Variants in TTLL3 observed in about 807,000 individuals in gnomAD.
The protein encoded by TTLL3 is tubulin tyrosine ligase like 3.
Under a neutral mutation model 75.2 loss-of-function variants are expected in TTLL3, and 63 were observed. That is an observed-to-expected ratio of 0.84 (90% confidence interval 0.68 to 1.03). The LOEUF (loss-of-function observed/expected upper bound fraction) is 1.03, where lower values mean the gene tolerates loss of function less well. TTLL3 is among the 50% of genes least tolerant of loss of function. TTLL3 has a pLI of 0.00. For synonymous variants in TTLL3, 393 were observed against 418.5 expected, an observed-to-expected ratio of 0.94 and a Z score of 0.74; for missense variants, 997 against 1,069.9, an observed-to-expected ratio of 0.93 and a Z score of 0.95.
chr3:9,821,966 G>C (rs1010843944), intron 8 of TTLL3, among the ~76,000 whole-genome samples: 10 of 137,976 alleles, frequency 7.2e-5, no homozygotes, highest in African/African-American at 2.2e-4. Flanking sequence ...TCGCGCCACT[G>C]TACTCCAGCC....
chr3:9,833,122 C>T lies in TTLL3; in HGVS notation c.1702C>T (p.Gln568Ter), dbSNP rs1163819331. ...CCCACAGCCTGCTGTGGAGGTGCCT[C>T]AATATGTGGGCATCCGGCTCCTGGT... ...IYKQPAVEVPQYVGIRLLVEG... is the reference protein window; with the variant it reads ...IYKQPAVEVP Residue 568 changes from glutamine (Q) to a stop codon, truncating the protein, a stop_gained, in exon 12 of 14, where the codon CAA (glutamine) becomes TAA (stop). Coordinates refer to ENST00000685419, the MANE Select transcript of TTLL3 (RefSeq NM_001387446.1). LOFTEE classifies it high-confidence loss of function. The T allele has an allele frequency of 9.9e-6, 16 of 1,614,206 alleles. No individual in the cohort carries two copies. The highest frequency in any genetic ancestry group is 1.4e-5 in the Non-Finnish European group (16 of 1,180,020).
chr3:9,817,006 A>G (rs1173570806), intron 5 of TTLL3, among the ~76,000 whole-genome samples: 1 of 152,166 alleles, frequency 6.6e-6, no homozygotes, highest in East Asian at 1.9e-4. Flanking sequence ...AGGTCTTGCT[A>G]TGCTGCCTAG....
intron 5 of TTLL3, among the ~76,000 whole-genome samples, chr3:9,817,158 CTCACGCCTGTAA>C (rs755629870): frequency 1.3e-5 from 2 of 152,094 alleles, no homozygotes; most frequent in Non-Finnish European, 2.9e-5. Flanking sequence ...GGCACAGTGG[CTCACGCCTGTAA>C]TCCCAGCACT....
At position 9,810,458 on chromosome 3, in the gene TTLL3, G is replaced by C. The variant is rs917562272; in HGVS notation, c.-42+64G>C. 1.3e-5 allele frequency: 18 copies of C among 1,437,518 alleles called. No individual in the cohort carries two copies. The highest frequency in any genetic ancestry group is 1.5e-5 in the Non-Finnish European group (17 of 1,099,210). 89.0% of individuals were successfully genotyped at this position (1,437,518 alleles called of 1,614,324 possible). A position where few individuals can be genotyped will look rare whatever the true frequency, so the allele number is the denominator to read the frequency against. On this transcript the variant is annotated intron_variant, in intron 1 of 13. Transcript: ENST00000685419. This position sits in a 1 kb window ranked among gnomAD's most constrained non-coding sequence, Gnocchi z 4.4. ...GCTGCGAGGACGACAAGACGCTGGG[G>C]TGGAGGGACTGGGGGTCGGGAGAAG...
chr3:9,823,554 C>T (rs558068470), intron 8 of TTLL3, among the ~76,000 whole-genome samples: 3 of 151,818 alleles, frequency 2.0e-5, no homozygotes, highest in East Asian at 1.9e-4. Flanking sequence ...TTTCAAATTA[C>T]GCTCCTGTGT....
chr3:9,834,239 G>A, intron 12 of TTLL3: 1 of 378,280 alleles, frequency 2.6e-6, no homozygotes, highest in Non-Finnish European at 5.3e-6. Context: ...TTAAGCCCAG[G>A]TTGCTCTCTC....
intron 3 of TTLL3, 34 bp from the exon 4 acceptor site, chr3:9,813,214 G>A: frequency 9.9e-6 from 16 of 1,614,150 alleles, no homozygotes; most frequent in African/African-American, 1.3e-5. Context: ...GTCAGGGAGA[G>A]GAAACTCATC....
In TTLL3 at chr3:9,834,764, C is replaced by A; in HGVS notation, c.1909C>A (p.Arg637=). 1 of 1,614,232 alleles carries A rather than the reference C, an allele frequency of 6.2e-7. No individual in the cohort carries two copies. Among genetic ancestry groups the A allele is most frequent in the Non-Finnish European group, 8.5e-7 (1 of 1,180,040 alleles). ...CCGACACCAGGGCCAGGTCCTCAGA[C>A]GACAGCACAGCAAGCTGGTGGGCAC... ...VLRHQGQVLR[R]QHSKLVGTKA... Residue 637 remains arginine (R), a synonymous_variant, in exon 13 of 14, where the codon CGA becomes AGA. Transcript: ENST00000685419.
At chr3:9,818,713 G>A in intron 6 of TTLL3, 109 bp from the exon 7 acceptor site, 1 of 1,582,024 alleles carries the variant, frequency 6.3e-7, no homozygotes, top group Non-Finnish European at 8.6e-7. Flanking sequence ...GTCAGAAAAG[G>A]TAGAGTCAGG....
Position 9,828,956 on chromosome 3 carries a change from C to G in TTLL3, c.1248-4C>G. The G allele has an allele frequency of 6.2e-7, 1 of 1,614,094 alleles. No homozygotes were observed. Among genetic ancestry groups the G allele is most frequent in the Non-Finnish European group, 8.5e-7 (1 of 1,179,962 alleles). ...GGACCTCAGTTTTCTGTTCTCTGCCCCAGCTCAGTGCACCTGTGCAACAAC... is the reference window on the plus strand; with the variant it reads ...GGACCTCAGTTTTCTGTTCTCTGCCGCAGCTCAGTGCACCTGTGCAACAAC... On this transcript the variant is annotated splice_region_variant and splice_polypyrimidine_tract_variant and intron_variant, in intron 10 of 13. Transcript: ENST00000685419.
chr3:9,827,487 T>G, intron 10 of TTLL3: 1 of 539,746 alleles, frequency 1.9e-6, no homozygotes, highest in Non-Finnish European at 3.1e-6. Context: ...ACTGTAGCCT[T>G]GACTTCCTGT....
rs955907885 is a variant in TTLL3, at chr3:9,817,655, G to T, written c.455G>T (p.Cys152Phe). The T allele has an allele frequency of 1.2e-6, 2 of 1,614,150 alleles. No individual in the cohort carries two copies. Among genetic ancestry groups the T allele is most frequent in the Non-Finnish European group, 1.7e-6 (2 of 1,180,036 alleles). ...TGGCTAACTCCGTAGGTGGGTCTAT[G>T]TCTCAATCTCCGGAATTTGCCGTGG... Reference protein sequence around the residue: ...AGSFTTKVGLCLNLRNLPWFD... With the variant: ...AGSFTTKVGLFLNLRNLPWFD... Residue 152 changes from cysteine (C) to phenylalanine (F), a missense_variant, in exon 6 of 14, where the codon TGT becomes TTT. Transcript: ENST00000685419.
rs71052206 is a variant in TTLL3, at chr3:9,816,523, C to CTT, written c.444+331_444+332dup. Among the ~76,000 whole-genome samples, 24 of 103,992 alleles carry CTT rather than the reference C, an allele frequency of 2.3e-4. 3 individuals are homozygous for CTT. The highest frequency in any genetic ancestry group is 4.4e-4 in the Non-Finnish European group (24 of 54,672). 68.2% of individuals were successfully genotyped at this position (103,992 alleles called of 152,430 possible). A position where few individuals can be genotyped will look rare whatever the true frequency, so the allele number is the denominator to read the frequency against. Reference sequence around the variant, plus strand: ...GACCCATTCTGTCTTACCTGGGTTTCTTTTTTTTTTTGAGACAGAGTCTTG... The same window carrying CTT: ...GACCCATTCTGTCTTACCTGGGTTTCTTTTTTTTTTTTTGAGACAGAGTCTTG... On this transcript the variant is annotated intron_variant, in intron 5 of 13. Coordinates refer to ENST00000685419, the MANE Select transcript of TTLL3 (RefSeq NM_001387446.1).
At chr3:9,828,922 C>T (rs370687757) in intron 10 of TTLL3, 38 bp from the exon 11 acceptor site, 53 of 1,605,470 alleles carry the variant, frequency 3.3e-5, no homozygotes, top group Non-Finnish European at 4.4e-5. Flanking sequence ...GGGAGAGACA[C>T]AAGGGCCTGG....
chr3:9,816,322 A>G lies in TTLL3; in HGVS notation c.444+120A>G, dbSNP rs188064588. The G allele has an allele frequency of 4.5e-5, 49 of 1,099,094 alleles. No homozygotes were observed. In the African/African-American group the frequency reaches 7.2e-4, roughly 16 times the overall value. 68.1% of individuals were successfully genotyped at this position (1,099,094 alleles called of 1,614,324 possible). ...TTCTCAGGACAAGGGGAAGTATACA[A>G]TTCAGAAAATTTGGAGTCTGACCAG... On this transcript the variant is annotated intron_variant, in intron 5 of 13. Transcript: ENST00000685419.
At chr3:9,819,432 C>T (rs907383074) in intron 7 of TTLL3, 83 of 898,902 alleles carry the variant, frequency 9.2e-5, no homozygotes, top group Non-Finnish European at 1.1e-4. Flanking sequence ...CTCCCATGGG[C>T]CTGGCATGTA....
At chr3:9,831,329 G>A (rs757576448) in intron 11 of TTLL3, among the ~76,000 whole-genome samples, 7 of 152,146 alleles carry the variant, frequency 4.6e-5, no homozygotes, top group Non-Finnish European at 8.8e-5. Flanking sequence ...ATTTACCTTG[G>A]TCTTCTGTTA....
At chr3:9,828,808 C>T (rs2124951066) in intron 10 of TTLL3, 152 bp from the exon 11 acceptor site, 2 of 969,764 alleles carry the variant, frequency 2.1e-6, no homozygotes, top group East Asian at 2.7e-5. Context: ...GGGCCCAGGC[C>T]TCTGTCCTTT....
rs1223062929 is a variant in TTLL3, at chr3:9,820,837, C to T, written c.854+96C>T. 4 of 1,507,892 alleles carry T rather than the reference C, an allele frequency of 2.7e-6. No individual in the cohort carries two copies. The Admixed American group carries it at 8.6e-5, about 33-fold the overall frequency. The allele number at this position is 1,507,892 out of a possible 1,614,324, so 93.4% of individuals were successfully genotyped here. On this transcript the variant is annotated intron_variant, in intron 8 of 13. Coordinates refer to ENST00000685419, the MANE Select transcript of TTLL3 (RefSeq NM_001387446.1). ...AGCCCCTACCCCTTCCCCAAGCCTCCCGCTCGTTTACCCCGCTGTTCTGCT... is the reference window on the plus strand; with the variant it reads ...AGCCCCTACCCCTTCCCCAAGCCTCTCGCTCGTTTACCCCGCTGTTCTGCT...
Sources: gnomAD v4.1 joint callset for allele counts (sites outside exome capture counted in the v4.1 genomes callset) on GRCh38, gnomAD v4.1.1 for gene constraint, Gnocchi (gnomAD v3.1) non-coding constraint, MANE v1.5 for transcripts, NCBI Gene and HGNC (gene_info 2026-07-23, HGNC 2026-07-21) for gene names.